The following ANAPC4 variants were observed in gnomAD, a reference collection of about 807,000 sequenced individuals.
ANAPC4 encodes the protein anaphase-promoting complex subunit 4.
A neutral mutation model predicts 119.8 loss-of-function variants in ANAPC4; 63 were observed. The observed-to-expected ratio is 0.53, with a 90% CI of 0.43 to 0.65. The LOEUF (loss-of-function observed/expected upper bound fraction) is 0.65, where lower values mean the gene tolerates loss of function less well. ANAPC4 is among the 30% of genes least tolerant of loss of function. ANAPC4 has a pLI of 0.00. For missense variants in ANAPC4, 716 were observed against 945.1 expected, an observed-to-expected ratio of 0.76 and a Z score of 3.18; for synonymous variants, 283 against 318.6, an observed-to-expected ratio of 0.89 and a Z score of 1.19.
intron 16 of ANAPC4, among the ~76,000 whole-genome samples, chr4:25,397,431 C>T (rs1722720353): frequency 6.6e-6 from 1 of 152,172 alleles, no homozygotes; most frequent in African/African-American, 2.4e-5. Context: ...GCACGGCTAC[C>T]ACCCGGGCAT....
chr4:25,414,447 T>C lies in ANAPC4; in HGVS notation c.1686-19T>C, dbSNP rs1723749065. On this transcript the variant is annotated intron_variant, in intron 23 of 28. Transcript: ENST00000315368. ...AGCCAATTTAAATTTTTCTCATTTC[T>C]TTTTCCCTTTTATTTTAGTGAGGAT... 2.5e-6 allele frequency: 4 copies of C among 1,599,238 alleles called. No individual in the cohort carries two copies. Among genetic ancestry groups the C allele is most frequent in the Non-Finnish European group, 3.4e-6 (4 of 1,170,230 alleles).
At chr4:25,409,895 C>A in intron 21 of ANAPC4, 104 bp downstream of exon 21, 3 of 727,674 alleles carry the variant, frequency 4.1e-6, no homozygotes, top group Non-Finnish European at 4.7e-6. Flanking sequence ...TGAACACTTA[C>A]CTAAGTTTAT....
At chr4:25,416,886 G>A (rs925426858) in intron 27 of ANAPC4, 24 of 211,444 alleles carry the variant, frequency 1.1e-4, no homozygotes, top group African/African-American at 4.8e-4. Context: ...TTTAAGGATA[G>A]CATTAACCCT....
intron 27 of ANAPC4, 182 bp from the exon 28 acceptor site, chr4:25,417,434 T>C (rs973038867): frequency 3.4e-6 from 2 of 583,020 alleles, no homozygotes; most frequent in Admixed American, 4.0e-5. Flanking sequence ...ATATAGAATA[T>C]GGAATTTTTA....
intron 26 of ANAPC4, chr4:25,415,801 A>T (rs1022267246): frequency 5.8e-5 from 19 of 328,102 alleles, no homozygotes; most frequent in African/African-American, 3.4e-4. Flanking sequence ...AAAGAAAGTA[A>T]TGTGGTTCCC....
chr4:25,389,202 A>G (rs941141677), intron 7 of ANAPC4, among the ~76,000 whole-genome samples: 2 of 140,122 alleles, frequency 1.4e-5, no homozygotes, highest in African/African-American at 5.4e-5. Flanking sequence ...CTCTGTTGCC[A>G]GGCTGGAGTA....
At position 25,377,325 on chromosome 4, in the gene ANAPC4, G is replaced by C; in HGVS notation, c.-30G>C. ...GAGGCCACTGGGGCCGTGTTAGTCT[G>C]CCGGTGGGGACTCTTGCAGGTACAG... On this transcript the variant is annotated 5_prime_UTR_variant, in exon 1 of 29. Coordinates refer to ENST00000315368, the MANE Select transcript of ANAPC4 (RefSeq NM_013367.3). The C allele has an allele frequency of 6.7e-7, 1 of 1,493,008 alleles. No homozygotes were observed. Among genetic ancestry groups the C allele is most frequent in the Non-Finnish European group, 9.0e-7 (1 of 1,109,862 alleles). 92.5% of individuals were successfully genotyped at this position (1,493,008 alleles called of 1,614,324 possible).
chr4:25,388,938 A>G, intron 7 of ANAPC4, 56 bp downstream of exon 7: 1 of 1,382,500 alleles, frequency 7.2e-7, no homozygotes, highest in Non-Finnish European at 1.0e-6. Context: ...TATTTGAGGC[A>G]GTTTTCAGAA....
chr4:25,409,578 T>A, intron 20 of ANAPC4, 120 bp from the exon 21 acceptor site: 1 of 644,424 alleles, frequency 1.6e-6, no homozygotes, highest in Non-Finnish European at 2.7e-6. Context: ...AATAAACCGA[T>A]TTTAGGCCCT....
At chr4:25,415,773 C>G (rs1219867752) in intron 26 of ANAPC4, 2 of 373,778 alleles carry the variant, frequency 5.4e-6, no homozygotes, top group Non-Finnish European at 9.5e-6. Context: ...AATTAATACT[C>G]CTGAGCTCCC....
intron 16 of ANAPC4, among the ~76,000 whole-genome samples, chr4:25,400,241 G>T (rs13109196): frequency 1.3e-5 from 2 of 152,078 alleles, no homozygotes; most frequent in Non-Finnish European, 2.9e-5. Context: ...GAATGATCTA[G>T]AAGGTAAAAA....
chr4:25,388,405 A>G (rs926824084), intron 4 of ANAPC4, 95 bp from the exon 5 acceptor site: 31 of 816,856 alleles, frequency 3.8e-5, no homozygotes, highest in Admixed American at 3.3e-4. Flanking sequence ...ATAATGTTGT[A>G]AAACTGGGTA....
chr4:25,417,130 CT>C (rs534007490), intron 27 of ANAPC4: 243 of 144,390 alleles, frequency 1.7e-3, no homozygotes, highest in Middle Eastern at 3.5e-3. Context: ...TATTTCTTTT[CT>C]TTTTTTTTTT....
chr4:25,407,733 A>G (rs1017517486), intron 20 of ANAPC4, among the ~76,000 whole-genome samples: 26 of 152,268 alleles, frequency 1.7e-4, no homozygotes, highest in African/African-American at 5.8e-4. Flanking sequence ...AATTCACTCA[A>G]AAATAGAATA....
intron 15 of ANAPC4, 33 bp downstream of exon 15, chr4:25,396,797 A>G (rs1454963010): frequency 5.0e-6 from 8 of 1,609,774 alleles, no homozygotes; most frequent in Middle Eastern, 1.7e-4. Context: ...AAATACATTA[A>G]ACACAGTTTA....
intron 3 of ANAPC4, among the ~76,000 whole-genome samples, chr4:25,381,376 C>T (rs1721712415): frequency 6.6e-6 from 1 of 152,122 alleles, no homozygotes; most frequent in South Asian, 2.1e-4. Flanking sequence ...TCACTGCAAC[C>T]TTGGGCTCAC....
chr4:25,410,959 C>T (rs1723525321), intron 21 of ANAPC4, among the ~76,000 whole-genome samples: 1 of 151,984 alleles, frequency 6.6e-6, no homozygotes, highest in African/African-American at 2.4e-5. Context: ...GAAACTCAAC[C>T]TATAGCAATT....
chr4:25,382,076 A>G (rs1454645448), intron 3 of ANAPC4, among the ~76,000 whole-genome samples: 2 of 152,130 alleles, frequency 1.3e-5, no homozygotes, highest in Middle Eastern at 3.4e-3. Flanking sequence ...ATCAAAAGAC[A>G]GTTATTTGGT....
chr4:25,394,279 A>G (rs1439949887), intron 11 of ANAPC4, 31 bp from the exon 12 acceptor site: 3 of 1,543,826 alleles, frequency 1.9e-6, no homozygotes, highest in African/African-American at 1.4e-5. Context: ...AGAAATACAT[A>G]TATCACAATT....
Sources: gnomAD v4.1 joint callset for allele counts (sites outside exome capture counted in the v4.1 genomes callset) on GRCh38, gnomAD v4.1.1 for gene constraint, MANE v1.5 for transcripts, NCBI Gene and HGNC (gene_info 2026-07-23, HGNC 2026-07-21) for gene names.